Variants in FTCDNL1 observed in about 807,000 individuals in gnomAD.
FTCDNL1 encodes the protein formiminotransferase cyclodeaminase N-terminal like.
In FTCDNL1, 11 loss-of-function variants were observed where a neutral mutation model predicts 5.9. That is an observed-to-expected ratio of 1.87 (90% CI 1.18 to 3.10). FTCDNL1 has a LOEUF of 3.10. Among genes scored for constraint, FTCDNL1 ranks in the 30% most tolerant of loss-of-function variants. The pLI, the probability that FTCDNL1 is intolerant of heterozygous loss-of-function variation, is 0.00. For missense variants in FTCDNL1, 115 were observed against 65.5 expected, an observed-to-expected ratio of 1.76 and a Z score of -2.61; for synonymous variants, 58 against 24.8, an observed-to-expected ratio of 2.34 and a Z score of -3.99.
the FTCDNL1 span, among the ~76,000 whole-genome samples, chr2:199,665,888 A>G: frequency 1.6e-3 from 2 of 1,270 alleles, no homozygotes; most frequent in Non-Finnish European, 0.02. Flanking sequence ...TAATGTTTAG[A>G]TTGTGTTACT....
At chr2:199,698,796 C>A in the FTCDNL1 span, among the ~76,000 whole-genome samples, 1 of 151,696 alleles carries the variant, frequency 6.6e-6, no homozygotes, top group Non-Finnish European at 1.5e-5. Flanking sequence ...CAAAATGGGG[C>A]AAGAAAAACC....
chr2:199,760,375 C>A (rs974203243), downstream of FTCDNL1, among the ~76,000 whole-genome samples: 6 of 152,164 alleles, frequency 3.9e-5, no homozygotes, highest in Non-Finnish European at 7.3e-5. Context: ...AGCTTATTGA[C>A]AACCCTGTCA....
At chr2:199,680,651 T>A in the FTCDNL1 span, among the ~76,000 whole-genome samples, 6 of 152,172 alleles carry the variant, frequency 3.9e-5, no homozygotes, top group Non-Finnish European at 7.3e-5. Flanking sequence ...GGAGGAAATT[T>A]GTCATAGTTA....
At chr2:199,805,308 T>C (rs1358772357), downstream of FTCDNL1, among the ~76,000 whole-genome samples, 1 of 152,080 alleles carries the variant, frequency 6.6e-6, no homozygotes, top group Non-Finnish European at 1.5e-5. Flanking sequence ...GATCAGAAAG[T>C]AGAGTATGGG....
At chr2:199,697,035 G>A in the FTCDNL1 span, among the ~76,000 whole-genome samples, 1 of 152,196 alleles carries the variant, frequency 6.6e-6, no homozygotes, top group Non-Finnish European at 1.5e-5. Flanking sequence ...CACTTTGGGA[G>A]GCCAAGGCGG....
intron 3 of FTCDNL1, among the ~76,000 whole-genome samples, chr2:199,783,078 T>G (rs1197642974): frequency 6.6e-6 from 1 of 152,238 alleles, no homozygotes. Flanking sequence ...ATGATGATAA[T>G]GGTGCCTGCT....
the FTCDNL1 span, among the ~76,000 whole-genome samples, chr2:199,708,875 T>C: frequency 3.9e-4 from 60 of 152,222 alleles, no homozygotes; most frequent in Admixed American, 8.5e-4. Flanking sequence ...TCTGGAGCTC[T>C]TTTTCTTTGT....
At chr2:199,751,984 G>A in the FTCDNL1 span, among the ~76,000 whole-genome samples, 2 of 152,058 alleles carry the variant, frequency 1.3e-5, no homozygotes, top group Admixed American at 1.3e-4. Flanking sequence ...CTAGTGGCAG[G>A]GAGCCACGGG....
chr2:199,691,940 CA>C, the FTCDNL1 span, among the ~76,000 whole-genome samples: 1 of 152,090 alleles, frequency 6.6e-6, no homozygotes. Flanking sequence ...GGCTGACTCT[CA>C]AAAAAATTCT....
At chr2:199,702,126 G>C in the FTCDNL1 span, among the ~76,000 whole-genome samples, 5 of 152,110 alleles carry the variant, frequency 3.3e-5, no homozygotes, top group African/African-American at 1.2e-4. Flanking sequence ...AACAGACACC[G>C]GGGCCTGCTC....
intron 3 of FTCDNL1, among the ~76,000 whole-genome samples, chr2:199,830,720 C>T (rs1225513592): frequency 2.0e-5 from 3 of 152,238 alleles, no homozygotes; most frequent in East Asian, 3.9e-4. Context: ...AATATTCCTC[C>T]CCCACATGGC....
At chr2:199,767,752 C>A (rs1330277051) in intron 3 of FTCDNL1, among the ~76,000 whole-genome samples, 1 of 152,182 alleles carries the variant, frequency 6.6e-6, no homozygotes, top group East Asian at 1.9e-4. Context: ...GAGAGCAAGT[C>A]CTCACCAGAC....
the FTCDNL1 span, among the ~76,000 whole-genome samples, chr2:199,709,443 G>A: frequency 6.6e-6 from 1 of 152,106 alleles, no homozygotes; most frequent in East Asian, 1.9e-4. Flanking sequence ...ACTAGAAAGA[G>A]AGGATAGAGA....
chr2:199,761,191 C>G (rs911686404), intron 3 of FTCDNL1, among the ~76,000 whole-genome samples: 2 of 152,200 alleles, frequency 1.3e-5, no homozygotes, highest in Non-Finnish European at 1.5e-5. Flanking sequence ...GTAATGACAG[C>G]AACTGGTAAA....
intron 3 of FTCDNL1, among the ~76,000 whole-genome samples, chr2:199,823,461 G>T (rs1042426133): frequency 6.6e-6 from 1 of 152,140 alleles, no homozygotes; most frequent in Non-Finnish European, 1.5e-5. Context: ...CTTACAAAAT[G>T]TATTTCTTAA....
At chr2:199,813,363 T>C (rs552734689) in intron 4 of FTCDNL1, among the ~76,000 whole-genome samples, 10 of 149,482 alleles carry the variant, frequency 6.7e-5, no homozygotes, top group Admixed American at 6.1e-4. Context: ...GAAAGGATTC[T>C]ATATATTTTA....
At chr2:199,678,928 C>A in the FTCDNL1 span, among the ~76,000 whole-genome samples, 1 of 152,020 alleles carries the variant, frequency 6.6e-6, no homozygotes, top group Non-Finnish European at 1.5e-5. Context: ...CCTTGGGGTA[C>A]ATTTCCAGAA....
At chr2:199,690,334 C>T in the FTCDNL1 span, among the ~76,000 whole-genome samples, 520 of 152,294 alleles carry the variant, frequency 3.4e-3, 5 homozygotes, top group African/African-American at 2.6e-3. Flanking sequence ...ACATTAAAAT[C>T]GAAGTCCTGA....
the FTCDNL1 span, among the ~76,000 whole-genome samples, chr2:199,731,844 C>T: frequency 1.3e-5 from 2 of 151,036 alleles, no homozygotes; most frequent in Non-Finnish European, 3.0e-5. Context: ...GCCGAGATCC[C>T]GCCACTGCAC....
Sources: gnomAD v4.1 joint callset for allele counts (sites outside exome capture counted in the v4.1 genomes callset) on GRCh38, gnomAD v4.1.1 for gene constraint, MANE v1.5 for transcripts, NCBI Gene and HGNC (gene_info 2026-07-23, HGNC 2026-07-21) for gene names.